The following RAP1A variants were observed in gnomAD, a reference collection of about 807,000 sequenced individuals.
RAP1A encodes ras-related protein Rap-1A.
Under a neutral mutation model 26.4 loss-of-function variants are expected in RAP1A, and 6 were observed. The ratio of observed to expected loss-of-function variants is 0.23; its 90% confidence interval spans 0.12 to 0.45. RAP1A has a LOEUF of 0.45. Among genes scored for constraint, RAP1A ranks in the 20% least tolerant of loss-of-function variants. The pLI, the probability that RAP1A is intolerant of heterozygous loss-of-function variation, is 0.99. For synonymous variants in RAP1A, 73 were observed against 79.4 expected (o/e 0.92, Z 0.43); for missense variants, 121 against 217.2 (o/e 0.56, Z 2.78).
At chr1:111,549,466 T>G (rs1028847573) in intron 1 of RAP1A, among the ~76,000 whole-genome samples, 20 of 151,736 alleles carry the variant, frequency 1.3e-4, no homozygotes, top group African/African-American at 4.8e-4. Context: ...CTGACCAATA[T>G]GGTGAAACCT....
upstream of RAP1A, among the ~76,000 whole-genome samples, chr1:111,618,096 T>C (rs1219053084): frequency 6.6e-6 from 1 of 152,082 alleles, no homozygotes; most frequent in Non-Finnish European, 1.5e-5. Context: ...TTTCTCATCT[T>C]AAAATATCCT....
At chr1:111,545,414 A>G (rs1657000221) in intron 1 of RAP1A, among the ~76,000 whole-genome samples, 1 of 152,134 alleles carries the variant, frequency 6.6e-6, no homozygotes, top group Admixed American at 6.5e-5. Flanking sequence ...GATCATTTGT[A>G]TATTTTCTTT....
At chr1:111,668,418 G>A (rs1660866332) in intron 1 of RAP1A, among the ~76,000 whole-genome samples, 1 of 152,152 alleles carries the variant, frequency 6.6e-6, no homozygotes, top group South Asian at 2.1e-4. Flanking sequence ...AGAATGATGG[G>A]ATTATGATAG....
In RAP1A at chr1:111,685,261, AAAATGCCAC is replaced by A. The variant is rs547996872; in HGVS notation, c.-27-6067_-27-6059del. Among the ~76,000 whole-genome samples, 28 of 152,338 alleles carry A rather than the reference AAAATGCCAC, an allele frequency of 1.8e-4. No individual in the cohort carries two copies. In the East Asian group the frequency reaches 5.0e-3, roughly 27 times the overall value. On this transcript the variant is annotated intron_variant, in intron 1 of 7. Coordinates refer to ENST00000369709, the MANE Select transcript of RAP1A (RefSeq NM_002884.4). ...ACCAAAAGCAATGGCAACGAAAGCC[AAAATGCCAC>A]AAATGGGATCTAATTAAACCAAAGA... is the stretch of plus-strand genomic sequence containing the variant.
Position 111,560,234 on chromosome 1 carries a change from A to G in RAP1A, c.-28+17725A>G, listed in dbSNP as rs1402447121. On this transcript the variant is annotated intron_variant, in intron 1 of 7. Transcript: ENST00000356415. ...CATACAAGCCCAACCTCGTCTTACA[A>G]TCTTTAGAGCTGAACTAACAAAGAG... is the stretch of plus-strand genomic sequence containing the variant. 7.2e-5 allele frequency among the ~76,000 whole-genome samples: 11 copies of G among 152,126 alleles called. No homozygotes were observed. In the East Asian group the frequency reaches 1.9e-3, roughly 27 times the overall value.
intron 1 of RAP1A, among the ~76,000 whole-genome samples, chr1:111,548,306 C>T (rs1657115079): frequency 6.6e-6 from 1 of 152,244 alleles, no homozygotes; most frequent in South Asian, 2.1e-4. Flanking sequence ...CAAGCGTGAG[C>T]CACTGCACCT....
chr1:111,680,973 G>A (rs1247924358), intron 1 of RAP1A, among the ~76,000 whole-genome samples: 2 of 152,232 alleles, frequency 1.3e-5, no homozygotes, highest in African/African-American at 4.8e-5. Flanking sequence ...ACTGCTGGGT[G>A]TGGTGGCTCA....
intron 1 of RAP1A, among the ~76,000 whole-genome samples, chr1:111,594,476 A>AATGG (rs1473467689): frequency 1.5e-4 from 16 of 104,680 alleles, no homozygotes; most frequent in Non-Finnish European, 2.7e-4. Context: ...ATAGACAAAA[A>AATGG]ACGGAAGGAA....
At chr1:111,547,161 C>CT (rs1216925644) in intron 1 of RAP1A, among the ~76,000 whole-genome samples, 3 of 151,784 alleles carry the variant, frequency 2.0e-5, no homozygotes, top group South Asian at 2.1e-4. Context: ...TAGTAATTTT[C>CT]TTTTTTTTCA....
At chr1:111,680,982 C>T (rs1661275593) in intron 1 of RAP1A, among the ~76,000 whole-genome samples, 1 of 152,206 alleles carries the variant, frequency 6.6e-6, no homozygotes, top group African/African-American at 2.4e-5. Flanking sequence ...TGTGGTGGCT[C>T]ACGCCTGTAA....
At chr1:111,619,718 T>C (rs116525401), upstream of RAP1A, 1,332 of 393,262 alleles carry the variant, frequency 3.4e-3, 19 homozygotes, top group African/African-American at 0.023. Flanking sequence ...CATCGCCAAC[T>C]TGGAGGGGCG....
chr1:111,703,972 T>A (rs944349119), intron 5 of RAP1A, among the ~76,000 whole-genome samples: 1 of 152,162 alleles, frequency 6.6e-6, no homozygotes, highest in Non-Finnish European at 1.5e-5. Context: ...CTGATTGTTT[T>A]TGAATTTTTT....
At chr1:111,603,501 G>A (rs114022156) in intron 1 of RAP1A, among the ~76,000 whole-genome samples, 1 of 152,238 alleles carries the variant, frequency 6.6e-6, no homozygotes, top group African/African-American at 2.4e-5. Context: ...TTGGTAGGAT[G>A]TTCTGGGGTG....
chr1:111,544,514 T>C (rs1026498890), intron 1 of RAP1A, among the ~76,000 whole-genome samples: 1 of 152,204 alleles, frequency 6.6e-6, no homozygotes, highest in Non-Finnish European at 1.5e-5. Context: ...GGTTCATCCA[T>C]GTTGTAACAT....
intron 1 of RAP1A, among the ~76,000 whole-genome samples, chr1:111,675,612 G>A (rs1469651396): frequency 1.3e-5 from 2 of 152,126 alleles, no homozygotes; most frequent in African/African-American, 4.8e-5. Flanking sequence ...GCTCCTTGAG[G>A]ATGGAAAACA....
In RAP1A at chr1:111,678,967, A is replaced by G. The variant is rs115658023; in HGVS notation, c.-27-12367A>G. On this transcript the variant is annotated intron_variant, in intron 1 of 7. Coordinates refer to ENST00000369709, the MANE Select transcript of RAP1A (RefSeq NM_002884.4). The stretch of plus-strand genomic sequence containing the variant: ...AAGTGGTAAGAGTAGACATATTGAT[A>G]CAATAAAAAGAAAAACCATATACTA... 1.9e-3 allele frequency among the ~76,000 whole-genome samples: 283 copies of G among 152,352 alleles called. 1 individual carries two copies. The highest frequency in any genetic ancestry group is 6.1e-3 in the African/African-American group (253 of 41,586).
At chr1:111,648,206 T>TGTA (rs773470455) in intron 1 of RAP1A, 12,031 of 140,328 alleles carry the variant, frequency 0.086, 294 homozygotes, top group African/African-American at 0.093. Context: ...TGTGTGTGTA[T>TGTA]TTTTTTTTTT....
At chr1:111,619,662 A>G, upstream of RAP1A, 1 of 391,208 alleles carries the variant, frequency 2.6e-6, no homozygotes, top group Non-Finnish European at 4.5e-6. Flanking sequence ...CGGCTCCTTT[A>G]AGCGGACTCC....
chr1:111,637,483 G>GC (rs150686323), intron 1 of RAP1A, among the ~76,000 whole-genome samples: 1,842 of 151,904 alleles, frequency 0.012, 38 homozygotes, highest in African/African-American at 0.042. Flanking sequence ...TTATTTTTTT[G>GC]CCCCTCAAGA....
Sources: allele counts gnomAD v4.1 joint callset (sites outside exome capture counted in the v4.1 genomes callset), GRCh38; gene constraint gnomAD v4.1.1; transcripts MANE v1.5; gene names NCBI Gene and HGNC (gene_info 2026-07-23, HGNC 2026-07-21).